ATF7IP2: variants seen among roughly 807,000 people sequenced by gnomAD.
ATF7IP2 encodes activating transcription factor 7-interacting protein 2.
Under a neutral mutation model 64.2 loss-of-function variants are expected in ATF7IP2, and 42 were observed. The ratio of observed to expected loss-of-function variants is 0.65; its 90% CI spans 0.51 to 0.85. The LOEUF (loss-of-function observed/expected upper bound fraction) is 0.85. Ranked by LOEUF, ATF7IP2 falls within the 40% of genes least tolerant of loss-of-function variation. ATF7IP2 has a pLI of 0.00. For missense variants in ATF7IP2, 933 were observed against 784.2 expected (o/e 1.19, Z -2.27); for synonymous variants, 308 against 272.8 (o/e 1.13, Z -1.27).
chr16:10,407,021 G>A (rs2120592), intron 1 of ATF7IP2, among the ~76,000 whole-genome samples: 119,907 of 152,126 alleles, frequency 0.79, 47,995 homozygotes, highest in African/African-American at 0.93. Flanking sequence ...GAATTTAACA[G>A]TGCATGAAGA....
chr16:10,433,666 TA>T lies in ATF7IP2; in HGVS notation c.960+20del, dbSNP rs770659563. On this transcript the variant is annotated intron_variant, in intron 6 of 13. Transcript: ENST00000562102. ...CTGGAACAGGTAAAATATTGGGGCT[TA>T]AATGGAACTTTTACTTTTGATTAGT... 1 of 1,610,838 alleles carries T rather than the reference TA, an allele frequency of 6.2e-7. No individual in the cohort carries two copies. Among genetic ancestry groups the T allele is most frequent in the Admixed American group, 1.7e-5 (1 of 59,376 alleles).
At chr16:10,396,515 A>C (rs2047421670) in intron 1 of ATF7IP2, among the ~76,000 whole-genome samples, 2 of 152,062 alleles carry the variant, frequency 1.3e-5, no homozygotes, top group East Asian at 3.9e-4. Context: ...TTTGGGTCTT[A>C]CATATAAGTT....
At chr16:10,468,364 C>G (rs2049661508) in intron 9 of ATF7IP2, among the ~76,000 whole-genome samples, 2 of 152,112 alleles carry the variant, frequency 1.3e-5, no homozygotes, top group Non-Finnish European at 2.9e-5. Context: ...TTTTGCCTCT[C>G]CCCATGCAGT....
At position 10,437,989 on chromosome 16, in the gene ATF7IP2, T is replaced by A. The variant is rs1024738528; in HGVS notation, c.961-112T>A. The A allele has an allele frequency of 5.4e-6, 4 of 745,016 alleles. No individual in the cohort carries two copies. In the African/African-American group the frequency reaches 7.3e-5, roughly 14 times the overall value. 46.2% of individuals were successfully genotyped at this position (745,016 alleles called of 1,614,324 possible). ...TAAACATACAAATATAAATAAACTA[T>A]ATTTAATTGGTTACAGTAAATCTGG... is the stretch of plus-strand genomic sequence containing the variant. On this transcript the variant is annotated intron_variant, in intron 6 of 13. Transcript: ENST00000562102.
intron 10 of ATF7IP2, 44 bp downstream of exon 10, chr16:10,472,227 C>T: frequency 2.0e-6 from 2 of 987,024 alleles, no homozygotes; most frequent in Non-Finnish European, 2.9e-6. Context: ...AGTTAGAAGG[C>T]CTTAAATCAA....
At chr16:10,448,472 G>A (rs536436087) in intron 8 of ATF7IP2, 3 of 152,222 alleles carry the variant, frequency 2.0e-5, no homozygotes, top group African/African-American at 7.2e-5. Context: ...AGTTCTCCTT[G>A]AAGAGGTCCT....
rs771895639 is a variant in ATF7IP2, at chr16:10,431,465, T to C, written c.835+10T>C. 1 of 1,529,910 alleles carries C rather than the reference T, an allele frequency of 6.5e-7. No homozygotes were observed. The highest frequency in any genetic ancestry group is 2.0e-5 in the Admixed American group (1 of 50,904). The allele number at this position is 1,529,910 out of a possible 1,614,324, so 94.8% of individuals were successfully genotyped here. A position where few individuals can be genotyped will look rare whatever the true frequency, so the allele number is the denominator to read the frequency against. The stretch of plus-strand genomic sequence containing the variant: ...GACACTAATAACAACAGTAAGTATA[T>C]ACTTATGCACCTTTTAGAAAAATTA... On this transcript the variant is annotated intron_variant, in intron 5 of 13. Transcript: ENST00000562102.
At chr16:10,473,360 T>A (rs2049878404) in intron 10 of ATF7IP2, 119 bp from the exon 11 acceptor site, 4 of 648,840 alleles carry the variant, frequency 6.2e-6, no homozygotes, top group Non-Finnish European at 1.1e-5. Flanking sequence ...TTGAGTTACT[T>A]TTTATCACTG....
rs2048221275 is a variant in ATF7IP2 at position 10,430,817 on chromosome 16, A to C, written c.197A>C (p.Lys66Thr). Reference protein sequence around the residue: ...SVITRTTEITKCSPSENGASS... With the variant: ...SVITRTTEITTCSPSENGASS... ...ATAACTAGGACGACTGAAATAACCAAATGTAGCCCTTCTGAAAATGGTGCA... is the reference window on the plus strand; with the variant it reads ...ATAACTAGGACGACTGAAATAACCACATGTAGCCCTTCTGAAAATGGTGCA... Residue 66 changes from lysine (K) to threonine (T), a missense_variant, in exon 5 of 14, where the codon AAA becomes ACA. Physicochemically the swap from Lys to Thr is moderately conservative, Grantham distance 78 (BLOSUM62 -1). Coordinates refer to ENST00000562102, the MANE Select transcript of ATF7IP2 (RefSeq NM_001393719.1). 1.2e-6 allele frequency: 2 copies of C among 1,614,056 alleles called. No homozygotes were observed. The highest frequency in any genetic ancestry group is 2.2e-5 in the South Asian group (2 of 91,072).
chr16:10,439,156 C>T (rs73497849), intron 7 of ATF7IP2, among the ~76,000 whole-genome samples: 2,466 of 151,240 alleles, frequency 0.016, 55 homozygotes, highest in African/African-American at 0.056. Context: ...TTTTCCTCTT[C>T]TAGTATTACT....
At chr16:10,386,839 AAG>A (rs2047212697) in intron 1 of ATF7IP2, 2 of 143,282 alleles carry the variant, frequency 1.4e-5, no homozygotes, top group South Asian at 2.3e-4. Flanking sequence ...AAGTTTGAGA[AAG>A]AGAGGACGCA....
rs764518865 is a variant in ATF7IP2 at position 10,473,582 on chromosome 16, G to A, written c.1482+48G>A. On this transcript the variant is annotated intron_variant, in intron 11 of 13. Coordinates refer to ENST00000562102, the MANE Select transcript of ATF7IP2 (RefSeq NM_001393719.1). Reference sequence around the variant, plus strand: ...GAATATTGTTTATTTAAATATGTTAGTTCAAGGAACTTTAGTGTTTGCTAC... The same window carrying A: ...GAATATTGTTTATTTAAATATGTTAATTCAAGGAACTTTAGTGTTTGCTAC... 112 of 1,331,790 alleles carry A rather than the reference G, an allele frequency of 8.4e-5. No homozygotes were observed. The East Asian group carries it at 2.6e-3, about 31-fold the overall frequency. The allele number at this position is 1,331,790 out of a possible 1,614,324, so 82.5% of individuals were successfully genotyped here.
At chr16:10,461,820 TTGTA>T (rs1270123413) in intron 9 of ATF7IP2, among the ~76,000 whole-genome samples, 9 of 152,298 alleles carry the variant, frequency 5.9e-5, no homozygotes, top group East Asian at 5.8e-4. Context: ...GGCACTGGCA[TTGTA>T]TTTATTTAAT....
At chr16:10,391,135 C>T (rs920000533) in intron 1 of ATF7IP2, among the ~76,000 whole-genome samples, 14 of 148,424 alleles carry the variant, frequency 9.4e-5, no homozygotes, top group Non-Finnish European at 1.5e-4. Flanking sequence ...CCAGCCTGGG[C>T]CACAGAGAGA....
At chr16:10,451,654 T>A (rs62027481) in intron 8 of ATF7IP2, among the ~76,000 whole-genome samples, 13,129 of 151,954 alleles carry the variant, frequency 0.086, 636 homozygotes, top group African/African-American at 0.12. Context: ...TCTCATACCG[T>A]GTTTTTCAGC....
intron 1 of ATF7IP2, among the ~76,000 whole-genome samples, chr16:10,395,175 A>G (rs952298129): frequency 3.9e-5 from 6 of 152,098 alleles, no homozygotes; most frequent in Non-Finnish European, 8.8e-5. Context: ...AAAAAATTAT[A>G]AGGGAATACT....
chr16:10,401,654 CT>C (rs766698062), intron 1 of ATF7IP2, among the ~76,000 whole-genome samples: 1 of 150,612 alleles, frequency 6.6e-6, no homozygotes, highest in African/African-American at 2.4e-5. Context: ...TTTTTTCCCT[CT>C]TTTTTTTGAA....
chr16:10,416,835 C>G (rs1036785755), intron 2 of ATF7IP2, among the ~76,000 whole-genome samples: 2 of 152,070 alleles, frequency 1.3e-5, no homozygotes, highest in South Asian at 4.1e-4. Flanking sequence ...CCTAGTTAAC[C>G]TAGTATTTAA....
Position 10,412,010 on chromosome 16 carries a change from G to GGTTTTTTTTTT in ATF7IP2, c.-241-2564_-241-2563insGTTTTTTTTTT, listed in dbSNP as rs1476575065. 1.2e-3 allele frequency among the ~76,000 whole-genome samples: 72 copies of GGTTTTTTTTTT among 58,394 alleles called. 11 individuals carry two copies. The highest frequency in any genetic ancestry group is 3.0e-3 in the African/African-American group (49 of 16,352). 38.3% of individuals were successfully genotyped at this position (58,394 alleles called of 152,430 possible). On this transcript the variant is annotated intron_variant, in intron 1 of 13. Coordinates refer to ENST00000562102, the MANE Select transcript of ATF7IP2 (RefSeq NM_001393719.1). The stretch of plus-strand genomic sequence containing the variant: ...CTTTTTGTTTCATTTATCTTTTTTT[G>GGTTTTTTTTTT]TTTTTTTTTTTTTTTTTTTTTTTTT...
Sources: gnomAD v4.1 joint callset for allele counts (sites outside exome capture counted in the v4.1 genomes callset) on GRCh38, gnomAD v4.1.1 for gene constraint, MANE v1.5 for transcripts, NCBI Gene and HGNC (gene_info 2026-07-23, HGNC 2026-07-21) for gene names.